The following SEMA5A variants were observed in gnomAD, a reference collection of about 807,000 sequenced individuals.
The protein encoded by SEMA5A is semaphorin 5A.
SEMA5A carries 55 observed loss-of-function variants against 135.5 expected under a neutral mutation model. That is an observed-to-expected ratio of 0.41 (90% CI 0.33 to 0.51). The LOEUF is 0.51. Ranked by LOEUF, SEMA5A falls within the 20% of genes least tolerant of loss-of-function variation. SEMA5A has a pLI of 0.37. For missense variants in SEMA5A, 1,290 were observed against 1,419.9 expected (o/e 0.91, Z 1.47); for synonymous variants, 580 against 546.5 (o/e 1.06, Z -0.85).
intron 1 of SEMA5A, among the ~76,000 whole-genome samples, chr5:9,453,596 T>C (rs1369113826): frequency 2.6e-5 from 4 of 152,286 alleles, no homozygotes; most frequent in Admixed American, 1.3e-4. Flanking sequence ...AATGAACCAA[T>C]TGCATATTAA....
chr5:9,152,129 G>T (rs1742665351), intron 12 of SEMA5A, among the ~76,000 whole-genome samples: 1 of 152,208 alleles, frequency 6.6e-6, no homozygotes, highest in Admixed American at 6.5e-5. Flanking sequence ...ACCTGTAAAA[G>T]ATGAATTGCC....
rs529821873 is a variant in SEMA5A, at chr5:9,194,981, C to A, written c.1068+2187G>T. Among the ~76,000 whole-genome samples the A allele has an allele frequency of 1.8e-4, 27 of 152,298 alleles. No homozygotes were observed. The South Asian group carries it at 5.6e-3, about 32-fold the overall frequency. On this transcript the variant is annotated intron_variant, in intron 10 of 22. Coordinates refer to ENST00000382496, the MANE Select transcript of SEMA5A (RefSeq NM_003966.3). ...GAAGTTTACTAAGCCACGCTGTTCACAGTAAGGCCTTCTGCAATAAAAACA... is the reference window on the plus strand; with the variant it reads ...GAAGTTTACTAAGCCACGCTGTTCAAAGTAAGGCCTTCTGCAATAAAAACA...
At chr5:9,364,138 G>A (rs367550243) in intron 3 of SEMA5A, among the ~76,000 whole-genome samples, 5 of 152,062 alleles carry the variant, frequency 3.3e-5, no homozygotes, top group African/African-American at 9.7e-5. Flanking sequence ...CTTATAGCAG[G>A]CATCTTTAAC....
chr5:9,521,152 G>C (rs2126870817), intron 1 of SEMA5A, among the ~76,000 whole-genome samples: 1 of 152,352 alleles, frequency 6.6e-6, no homozygotes, highest in South Asian at 2.1e-4. Flanking sequence ...GCTCACACCT[G>C]TAATCCCAGC....
At chr5:9,198,221 A>G (rs1185080918) in intron 9 of SEMA5A, among the ~76,000 whole-genome samples, 1 of 152,212 alleles carries the variant, frequency 6.6e-6, no homozygotes, top group Non-Finnish European at 1.5e-5. Flanking sequence ...CAAAACTGAA[A>G]TACCTACCTT....
intron 3 of SEMA5A, among the ~76,000 whole-genome samples, chr5:9,339,660 T>C (rs1259586191): frequency 6.6e-6 from 1 of 152,050 alleles, no homozygotes; most frequent in Non-Finnish European, 1.5e-5. Flanking sequence ...AAGAAACTAC[T>C]AGGAAAGGAA....
rs1335738661 is a variant in SEMA5A, at chr5:9,379,699, A to G, written c.124+124T>C. ...TTTTGTAGTTTTACCTTTATTTTAAACTGTGTCTGAAACAAGAGCCACTGG... is the reference window on the plus strand; with the variant it reads ...TTTTGTAGTTTTACCTTTATTTTAAGCTGTGTCTGAAACAAGAGCCACTGG... On this transcript the variant is annotated intron_variant, in intron 3 of 22. Coordinates refer to ENST00000382496, the MANE Select transcript of SEMA5A (RefSeq NM_003966.3). 2.5e-6 allele frequency: 3 copies of G among 1,196,098 alleles called. No homozygotes were observed. The African/African-American group carries it at 4.6e-5, about 18-fold the overall frequency. The allele number at this position is 1,196,098 out of a possible 1,614,324, so 74.1% of individuals were successfully genotyped here.
intron 5 of SEMA5A, among the ~76,000 whole-genome samples, chr5:9,281,618 G>A (rs538275512): frequency 6.6e-6 from 1 of 152,138 alleles, no homozygotes; most frequent in Non-Finnish European, 1.5e-5. Flanking sequence ...TGGACTAACA[G>A]GGTTCTTCAG....
chr5:9,255,198 T>C lies in SEMA5A; in HGVS notation c.271-17308A>G, dbSNP rs542850972. Among the ~76,000 whole-genome samples, 5 of 152,340 alleles carry C rather than the reference T, an allele frequency of 3.3e-5. No individual in the cohort carries two copies. The South Asian group carries it at 8.3e-4, about 25-fold the overall frequency. Reference sequence around the variant, plus strand: ...TGTCTTTGCTTGGGAACAAAGGAGATACAGTGATGTAAGTGTGGCTCAGAT... The same window carrying C: ...TGTCTTTGCTTGGGAACAAAGGAGACACAGTGATGTAAGTGTGGCTCAGAT... On this transcript the variant is annotated intron_variant, in intron 5 of 22. Transcript: ENST00000382496.
At chr5:9,329,314 T>C (rs755969143) in intron 4 of SEMA5A, among the ~76,000 whole-genome samples, 1 of 152,232 alleles carries the variant, frequency 6.6e-6, no homozygotes, top group Non-Finnish European at 1.5e-5. Context: ...ATGTGCCAAC[T>C]ACTCGTCTCT....
In SEMA5A at chr5:9,160,528, C is replaced by T. The variant is rs58886760; in HGVS notation, c.1274-5833G>A. Among the ~76,000 whole-genome samples, 961 of 152,322 alleles carry T rather than the reference C, an allele frequency of 6.3e-3. 12 individuals carry two copies. The highest frequency in any genetic ancestry group is 0.022 in the African/African-American group (914 of 41,578). ...AAAGAAACAAGGACCACATAACATG[C>T]TGTCACCAGACCAACTCTCGAACAA... On this transcript the variant is annotated intron_variant, in intron 11 of 22. Coordinates refer to ENST00000382496, the MANE Select transcript of SEMA5A (RefSeq NM_003966.3).
intron 1 of SEMA5A, among the ~76,000 whole-genome samples, chr5:9,537,876 G>A (rs937504998): frequency 2.6e-5 from 4 of 152,152 alleles, no homozygotes; most frequent in African/African-American, 9.7e-5. Context: ...AGTGCTAAAG[G>A]CCAGCTAGCC....
At chr5:9,315,620 G>T (rs929436732) in intron 5 of SEMA5A, among the ~76,000 whole-genome samples, 2 of 152,128 alleles carry the variant, frequency 1.3e-5, no homozygotes, top group Non-Finnish European at 2.9e-5. Context: ...GATATCTGAA[G>T]GGTAGAGGCC....
At chr5:9,099,813 T>C (rs1739521398) in intron 16 of SEMA5A, among the ~76,000 whole-genome samples, 1 of 152,184 alleles carries the variant, frequency 6.6e-6, no homozygotes, top group Non-Finnish European at 1.5e-5. Context: ...TTGGTGTCCT[T>C]AGCTCTGTCT....
intron 3 of SEMA5A, among the ~76,000 whole-genome samples, chr5:9,370,644 TA>T (rs1261332653): frequency 6.6e-6 from 1 of 152,226 alleles, no homozygotes; most frequent in Non-Finnish European, 1.5e-5. Context: ...TTGATTAAAT[TA>T]AAAACCAAAG....
chr5:9,454,330 A>G (rs1025901257), intron 1 of SEMA5A, among the ~76,000 whole-genome samples: 2 of 152,182 alleles, frequency 1.3e-5, no homozygotes, highest in African/African-American at 4.8e-5. Context: ...GGTGATTACA[A>G]TCTGAAGAGC....
At chr5:9,207,102 G>GTGTATATATATATA (rs1405308378) in intron 8 of SEMA5A, among the ~76,000 whole-genome samples, 36 of 97,660 alleles carry the variant, frequency 3.7e-4, no homozygotes, top group African/African-American at 1.1e-3. Flanking sequence ...ATGATCAAGT[G>GTGTATATATATATA]TATATATATA....
In SEMA5A at chr5:9,496,354, C is replaced by A. The variant is rs174862; in HGVS notation, c.-175+49230G>T. 2.8e-3 allele frequency among the ~76,000 whole-genome samples: 419 copies of A among 152,254 alleles called. 2 individuals are homozygous for A. The highest frequency in any genetic ancestry group is 9.6e-3 in the African/African-American group (400 of 41,568). On this transcript the variant is annotated intron_variant, in intron 1 of 22. Coordinates refer to ENST00000382496, the MANE Select transcript of SEMA5A (RefSeq NM_003966.3). ...GCCACCATGCCCAGCCTCAATATTTCTTAAGTGAACATTGGAATAATGTCA... is the reference window on the plus strand; with the variant it reads ...GCCACCATGCCCAGCCTCAATATTTATTAAGTGAACATTGGAATAATGTCA...
intron 3 of SEMA5A, among the ~76,000 whole-genome samples, chr5:9,340,709 T>G (rs1173326508): frequency 1.3e-5 from 2 of 152,210 alleles, no homozygotes; most frequent in Non-Finnish European, 2.9e-5. Flanking sequence ...ATTTTTATGG[T>G]TAACATAGAT....
Sources: gnomAD v4.1 joint callset for allele counts (sites outside exome capture counted in the v4.1 genomes callset) on GRCh38, gnomAD v4.1.1 for gene constraint, MANE v1.5 for transcripts, NCBI Gene and HGNC (gene_info 2026-07-23, HGNC 2026-07-21) for gene names.